NAV3: variants seen among roughly 807,000 people sequenced by gnomAD.
NAV3 encodes pore membrane and/or filament interacting like protein 1.
In NAV3, 87 loss-of-function variants were observed where a neutral mutation model predicts 244.7. That is an observed-to-expected ratio of 0.36 (90% confidence interval 0.30 to 0.42). NAV3 has a LOEUF of 0.42. Among genes scored for constraint, NAV3 ranks in the 20% least tolerant of loss-of-function variants. NAV3 has a pLI of 1.00. For missense variants in NAV3, 2,663 were observed against 2,893.3 expected (o/e 0.92, Z 1.83); for synonymous variants, 1,126 against 1,042.2 (o/e 1.08, Z -1.55).
chr12:77,755,306 G>A (rs963520647), intron 2 of NAV3, among the ~76,000 whole-genome samples: 1 of 152,004 alleles, frequency 6.6e-6, no homozygotes, highest in African/African-American at 2.4e-5. Flanking sequence ...AGATATGAAT[G>A]AAATACATGA....
intron 2 of NAV3, among the ~76,000 whole-genome samples, chr12:77,654,642 A>G (rs1387617577): frequency 2.0e-5 from 3 of 152,174 alleles, no homozygotes; most frequent in African/African-American, 7.2e-5. Flanking sequence ...GAGAACGGGC[A>G]GACTGCCTCC....
At chr12:77,621,394 C>G (rs139983729) in intron 2 of NAV3, among the ~76,000 whole-genome samples, 2 of 152,190 alleles carry the variant, frequency 1.3e-5, no homozygotes, top group East Asian at 3.9e-4. Context: ...AAATCTGACA[C>G]TCACTTTGTT....
At chr12:77,829,854 A>T (rs1873418518), upstream of NAV3, among the ~76,000 whole-genome samples, 1 of 152,222 alleles carries the variant, frequency 6.6e-6, no homozygotes, top group Non-Finnish European at 1.5e-5. Flanking sequence ...TAGGCCAAAG[A>T]TGACCATTTC....
At chr12:78,078,434 CGCCCAGGCTGGAGTGCAGTG>C (rs1953172192) in intron 12 of NAV3, among the ~76,000 whole-genome samples, 1 of 116,820 alleles carries the variant, frequency 8.6e-6, no homozygotes, top group East Asian at 2.6e-4. Context: ...CTCGCTCTGT[CGCCCAGGCTGGAGTGCAGTG>C]GCGGGATCTC....
chr12:78,189,874 C>T, intron 33 of NAV3, 110 bp from the exon 34 acceptor site: 1 of 760,006 alleles, frequency 1.3e-6, no homozygotes, highest in East Asian at 2.7e-5. Context: ...AATTATTTTT[C>T]AAGGACTCTA....
chr12:77,819,751 T>G (rs897625538), intron 2 of NAV3, among the ~76,000 whole-genome samples: 1 of 152,168 alleles, frequency 6.6e-6, no homozygotes, highest in African/African-American at 2.4e-5. Flanking sequence ...AAAAATCATA[T>G]TTACAGAAAT....
intron 2 of NAV3, among the ~76,000 whole-genome samples, chr12:77,727,325 A>G (rs1420872510): frequency 6.6e-6 from 1 of 151,862 alleles, no homozygotes; most frequent in African/African-American, 2.4e-5. Flanking sequence ...TGTGGGCTGG[A>G]GCTTTATCTG....
chr12:78,085,357 G>A (rs1953579157), intron 12 of NAV3, among the ~76,000 whole-genome samples: 1 of 152,132 alleles, frequency 6.6e-6, no homozygotes. Flanking sequence ...AGCAAAAGAG[G>A]CAGCAGAAAC....
At chr12:77,930,191 A>G (rs74448476) in intron 1 of NAV3, among the ~76,000 whole-genome samples, 1,968 of 152,232 alleles carry the variant, frequency 0.013, 56 homozygotes, top group African/African-American at 0.045. Flanking sequence ...GGGATGGTAT[A>G]TAAGGACTTT....
intron 34 of NAV3, among the ~76,000 whole-genome samples, chr12:78,195,756 C>T (rs1959167907): frequency 6.6e-6 from 1 of 152,034 alleles, no homozygotes; most frequent in Non-Finnish European, 1.5e-5. Flanking sequence ...CCATTCTTGA[C>T]ACCCAGCAGC....
At chr12:77,664,700 A>G (rs1385838735) in intron 2 of NAV3, among the ~76,000 whole-genome samples, 1 of 152,180 alleles carries the variant, frequency 6.6e-6, no homozygotes, top group Non-Finnish European at 1.5e-5. Context: ...GTTAAAATGT[A>G]GTATCTTAAC....
chr12:77,954,283 G>C (rs986962051), intron 3 of NAV3, among the ~76,000 whole-genome samples: 3 of 152,036 alleles, frequency 2.0e-5, no homozygotes, highest in African/African-American at 4.8e-5. Flanking sequence ...CCCCTACTTT[G>C]TTTGTACCTG....
chr12:78,198,529 G>T lies in NAV3; in HGVS notation c.6447-76G>T, dbSNP rs995867139. ...GGAATAATCCATATCTATCCTAGTAGTTTTCCAAGATAATTTTAATGAATT... is the reference window on the plus strand; with the variant it reads ...GGAATAATCCATATCTATCCTAGTATTTTTCCAAGATAATTTTAATGAATT... On this transcript the variant is annotated intron_variant, in intron 35 of 39. Transcript: ENST00000397909. The T allele has an allele frequency of 3.4e-6, 3 of 877,404 alleles. No homozygotes were observed. The African/African-American group carries it at 5.3e-5, about 15-fold the overall frequency. The allele number at this position is 877,404 out of a possible 1,614,324, so 54.4% of individuals were successfully genotyped here. A position where few individuals can be genotyped will look rare whatever the true frequency, so the allele number is the denominator to read the frequency against.
intron 2 of NAV3, among the ~76,000 whole-genome samples, chr12:77,776,649 T>C (rs561019992): frequency 6.6e-6 from 1 of 152,210 alleles, no homozygotes; most frequent in Non-Finnish European, 1.5e-5. Flanking sequence ...TCTGTCATTG[T>C]ACCACTGACA....
intron 17 of NAV3, 88 bp downstream of exon 17, chr12:78,127,296 A>G (rs1955953547): frequency 2.3e-6 from 3 of 1,298,686 alleles, no homozygotes; most frequent in African/African-American, 1.5e-5. Context: ...TTTGTTTGCA[A>G]TGTAGCACAT....
intron 2 of NAV3, among the ~76,000 whole-genome samples, chr12:77,758,813 A>T (rs957296266): frequency 6.6e-6 from 1 of 152,248 alleles, no homozygotes; most frequent in South Asian, 2.1e-4. Context: ...AAGTAAGAGC[A>T]ATGAATTCAA....
At chr12:77,738,118 A>G (rs1199110338) in intron 2 of NAV3, among the ~76,000 whole-genome samples, 31 of 152,184 alleles carry the variant, frequency 2.0e-4, no homozygotes, top group Admixed American at 2.0e-3. Flanking sequence ...ATCACTTACT[A>G]TATGCATCCT....
rs1259392908 is a variant in NAV3 at position 78,190,121 on chromosome 12, T to C, written c.6193T>C (p.Leu2065=). The C allele has an allele frequency of 6.2e-7, 1 of 1,613,150 alleles. No individual in the cohort carries two copies. Among genetic ancestry groups the C allele is most frequent in the Non-Finnish European group, 8.5e-7 (1 of 1,179,542 alleles). ...SGPSGTGKTY[L]ANKLAEYVIT... The stretch of plus-strand genomic sequence containing the variant: ...ACCGAGTGGTACTGGAAAGACCTAT[T>C]TGGCAAACAAACTTGCTGAATATGT... The change falls in exon 34 of 40, where the codon TTG becomes CTG. Residue 2065 remains leucine, a synonymous_variant. Coordinates refer to ENST00000397909, the MANE Select transcript of NAV3 (RefSeq NM_001024383.2).
chr12:77,967,355 T>A (rs1444687235), intron 4 of NAV3, among the ~76,000 whole-genome samples: 1 of 152,122 alleles, frequency 6.6e-6, no homozygotes, highest in Non-Finnish European at 1.5e-5. Flanking sequence ...TAGGAGAAAA[T>A]TAACACTCTC....
Sources: gnomAD v4.1 joint callset for allele counts (sites outside exome capture counted in the v4.1 genomes callset) on GRCh38, gnomAD v4.1.1 for gene constraint, MANE v1.5 for transcripts, NCBI Gene and HGNC (gene_info 2026-07-23, HGNC 2026-07-21) for gene names.